The following SGK2 variants were observed in gnomAD, a reference collection of about 807,000 sequenced individuals.
The protein encoded by SGK2 is serum/glucocorticoid regulated kinase 2.
Under a neutral mutation model 47.5 loss-of-function variants are expected in SGK2, and 36 were observed. The observed-to-expected ratio is 0.76, with a 90% CI of 0.58 to 1.00. SGK2 has a LOEUF of 1.00. Ranked by LOEUF, SGK2 falls within the 50% of genes least tolerant of loss-of-function variation. The pLI is 0.00. For missense variants in SGK2, 404 were observed against 467.4 expected, an observed-to-expected ratio of 0.86 and a Z score of 1.25; for synonymous variants, 157 against 181.9, an observed-to-expected ratio of 0.86 and a Z score of 1.10.
chr20:43,560,733 A>G (rs1031564130), intron 1 of SGK2, among the ~76,000 whole-genome samples: 2 of 152,160 alleles, frequency 1.3e-5, no homozygotes, highest in Non-Finnish European at 2.9e-5. Flanking sequence ...TAGGTTTTAT[A>G]TAGTTTTTGG....
chr20:43,574,949 G>A lies in SGK2; in HGVS notation c.638G>A (p.Arg213Gln), dbSNP rs767312138. The A allele has an allele frequency of 1.8e-5, 29 of 1,613,622 alleles. No individual in the cohort carries two copies. Among genetic ancestry groups the A allele is most frequent in the Middle Eastern group, 1.6e-4 (1 of 6,062 alleles). The change falls in exon 10 of 13, where the codon CGA becomes CAA. Residue 213 changes from arginine (R) to glutamine (Q), a missense_variant. By Grantham distance (43) the Arg-to-Gln change is conservative. Coordinates refer to ENST00000373100, the MANE Select transcript of SGK2 (RefSeq NM_170693.3). ...GTGCTTCGGAAAGAGCCTTATGATC[G>A]AGCAGTGGACTGGTGGTGCTTGGGG... ...PEVLRKEPYD[R>Q]AVDWWCLGAV...
intron 1 of SGK2, among the ~76,000 whole-genome samples, chr20:43,560,221 G>A (rs769642728): frequency 6.6e-6 from 1 of 152,096 alleles, no homozygotes; most frequent in Non-Finnish European, 1.5e-5. Context: ...ATAACCGGCC[G>A]GGTACAGTGG....
rs1265160076 is a variant in SGK2, at chr20:43,566,548, C to G, written c.36+17C>G. The stretch of plus-strand genomic sequence containing the variant: ...AGTCCACAGGTGAGTGGTTCTTGGT[C>G]CCCCACCCATCATCGGGGGCTCACT... On this transcript the variant is annotated intron_variant, in intron 2 of 12. Transcript: ENST00000373100. 1.3e-6 allele frequency: 2 copies of G among 1,556,306 alleles called. No homozygotes were observed. The highest frequency in any genetic ancestry group is 2.3e-5 in the South Asian group (2 of 88,690).
chr20:43,583,044 A>G, intron 12 of SGK2: 1 of 492,142 alleles, frequency 2.0e-6, no homozygotes, highest in Non-Finnish European at 3.3e-6. Flanking sequence ...TGTGTGGTCT[A>G]CCTGTAAAGC....
intron 7 of SGK2, 49 bp from the exon 8 acceptor site, chr20:43,570,975 C>T (rs371555645): frequency 1.8e-5 from 29 of 1,611,990 alleles, no homozygotes; most frequent in Non-Finnish European, 2.5e-5. Context: ...CAACTCTCCT[C>T]ACTAAATGGC....
chr20:43,566,165 C>A, intron 1 of SGK2: 3 of 613,880 alleles, frequency 4.9e-6, no homozygotes, highest in Non-Finnish European at 8.7e-6. Flanking sequence ...TGGAGCTACC[C>A]TGGCTCACAG....
At chr20:43,569,972 T>C (rs1434285090) in intron 6 of SGK2, among the ~76,000 whole-genome samples, 6 of 152,166 alleles carry the variant, frequency 3.9e-5, no homozygotes, top group Non-Finnish European at 8.8e-5. Flanking sequence ...ACTCTGTCTC[T>C]CTGGTCAAGA....
At position 43,583,593 on chromosome 20, in the gene SGK2, A is replaced by G. The variant is rs1980929352; in HGVS notation, c.940-1259A>G. ...CCTTCCTCACCTGCTTACTTCATAA[A>G]ACCCAGGCCTCCTCCACAGAGAGAC... On this transcript the variant is annotated intron_variant, in intron 12 of 12. Coordinates refer to ENST00000373100, the MANE Select transcript of SGK2 (RefSeq NM_170693.3). 1.0e-5 allele frequency: 10 copies of G among 985,388 alleles called. No individual in the cohort carries two copies. The South Asian group carries it at 2.8e-4, about 28-fold the overall frequency. The allele number at this position is 985,388 out of a possible 1,614,324, so 61.0% of individuals were successfully genotyped here.
chr20:43,570,525 T>G (rs1980028372), intron 6 of SGK2, 92 bp from the exon 7 acceptor site: 11 of 775,032 alleles, frequency 1.4e-5, no homozygotes, highest in Non-Finnish European at 8.6e-6. Context: ...AGAGAGGGAG[T>G]GAGCTCGCAG....
chr20:43,567,003 G>A, intron 2 of SGK2, 65 bp from the exon 3 acceptor site: 1 of 1,358,076 alleles, frequency 7.4e-7, no homozygotes. Context: ...TCAGGGCCTG[G>A]GCCAGGAGAA....
intron 3 of SGK2, 96 bp from the exon 4 acceptor site, chr20:43,567,569 C>A: frequency 8.8e-7 from 1 of 1,134,846 alleles, no homozygotes; most frequent in South Asian, 1.3e-5. Context: ...TCTGTATTTC[C>A]CCATTCTAAA....
At chr20:43,577,964 T>C (rs73272178) in intron 11 of SGK2, among the ~76,000 whole-genome samples, 2,413 of 152,206 alleles carry the variant, frequency 0.016, 62 homozygotes, top group African/African-American at 0.055. Context: ...TTTTTACAAA[T>C]ATCTGAGTAC....
chr20:43,577,619 G>C lies in SGK2; in HGVS notation c.849+1240G>C, dbSNP rs1030072893. ...CCACCTTGGCCTCCCAAAGTGCTGG[G>C]ATTACAGGAGTGAGCTACCATGCTT... On this transcript the variant is annotated intron_variant, in intron 11 of 12. Transcript: ENST00000373100. Among the ~76,000 whole-genome samples the C allele has an allele frequency of 1.5e-4, 23 of 150,242 alleles. 2 individuals carry two copies. Among genetic ancestry groups the C allele is most frequent in the Admixed American group, 1.4e-3 (21 of 15,038 alleles).
intron 12 of SGK2, chr20:43,583,264 C>T (rs1980904974): frequency 7.8e-7 from 1 of 1,289,434 alleles, no homozygotes; most frequent in Admixed American, 2.3e-5. Flanking sequence ...GAACTTATAC[C>T]CTGGAGAGAG....
At chr20:43,581,776 G>A (rs927619814) in intron 12 of SGK2, among the ~76,000 whole-genome samples, 4 of 152,080 alleles carry the variant, frequency 2.6e-5, no homozygotes, top group South Asian at 2.1e-4. Flanking sequence ...TGATCCACTC[G>A]CCTTGGCCTC....
rs1466239240 is a variant in SGK2, at chr20:43,576,225, C to T, written c.695C>T (p.Pro232Leu). The T allele has an allele frequency of 2.2e-5, 36 of 1,613,856 alleles. No individual in the cohort carries two copies. Among genetic ancestry groups the T allele is most frequent in the Middle Eastern group, 3.3e-4 (2 of 6,062 alleles). Reference protein sequence around the residue: ...AVLYEMLHGLPPFYSQDVSQM... With the variant: ...AVLYEMLHGLLPFYSQDVSQM... The stretch of plus-strand genomic sequence containing the variant: ...CAGCTGTTCTCCCTCTCTCCCCAGC[C>T]GCCCTTCTACAGCCAAGATGTATCC... Residue 232 changes from proline (P) to leucine (L), a missense_variant and splice_region_variant, in exon 11 of 13, where the codon CCG (proline) becomes CTG (leucine). Physicochemically the swap from Pro to Leu is moderately conservative, Grantham distance 98 (BLOSUM62 -3). Transcript: ENST00000373100.
chr20:43,584,347 A>T (rs554945284), intron 12 of SGK2, among the ~76,000 whole-genome samples: 7 of 152,340 alleles, frequency 4.6e-5, no homozygotes, highest in African/African-American at 1.4e-4. Flanking sequence ...CTCCACCTCT[A>T]GATGGGAAAT....
intron 9 of SGK2, among the ~76,000 whole-genome samples, chr20:43,574,441 G>A (rs971225957): frequency 6.6e-6 from 1 of 152,238 alleles, no homozygotes; most frequent in African/African-American, 2.4e-5. Flanking sequence ...TGCCCTGTGA[G>A]AGTACTCCCG....
chr20:43,579,476 C>G (rs184966821), intron 11 of SGK2, among the ~76,000 whole-genome samples: 69 of 152,230 alleles, frequency 4.5e-4, no homozygotes, highest in Non-Finnish European at 7.8e-4. Context: ...GAATCATGAC[C>G]AGGGCTGAGT....
Sources: allele counts gnomAD v4.1 joint callset (sites outside exome capture counted in the v4.1 genomes callset), GRCh38; gene constraint gnomAD v4.1.1; transcripts MANE v1.5; gene names NCBI Gene and HGNC (gene_info 2026-07-23, HGNC 2026-07-21).